Variants in UST observed in about 807,000 individuals in gnomAD.
UST encodes the protein chondroitin sulfate 2-O-sulfotransferase.
Under a neutral mutation model 45.6 loss-of-function variants are expected in UST, and 21 were observed. The ratio of observed to expected loss-of-function variants is 0.46; its 90% CI spans 0.33 to 0.66. The LOEUF is 0.66. Ranked by LOEUF, UST falls within the 30% of genes least tolerant of loss-of-function variation. The pLI is 0.02. For missense variants in UST, 463 were observed against 512.4 expected (o/e 0.90, Z 0.93); for synonymous variants, 215 against 200.6 (o/e 1.07, Z -0.61).
At chr6:149,014,594 C>T (rs1161283331) in intron 5 of UST, among the ~76,000 whole-genome samples, 1 of 152,188 alleles carries the variant, frequency 6.6e-6, no homozygotes, top group Non-Finnish European at 1.5e-5. Context: ...CTATCTGTCT[C>T]CTTTTCCTGG....
In UST at chr6:148,748,333, A is replaced by G. The variant is rs1775917505; in HGVS notation, c.247+656A>G. Reference sequence around the variant, plus strand: ...CCCGAGGGCGCTGGTCAGCCTGGCCAGCAGTGTCGCCCCCAGTAACCCGAG... The same window carrying G: ...CCCGAGGGCGCTGGTCAGCCTGGCCGGCAGTGTCGCCCCCAGTAACCCGAG... On this transcript the variant is annotated intron_variant, in intron 1 of 7. Coordinates refer to ENST00000367463, the MANE Select transcript of UST (RefSeq NM_005715.3). This position sits in a 1 kb window ranked among gnomAD's most constrained non-coding sequence, Gnocchi z 5.3. Among the ~76,000 whole-genome samples the G allele has an allele frequency of 6.6e-6, 1 of 151,648 alleles. No homozygotes were observed. The highest frequency in any genetic ancestry group is 1.5e-5 in the Non-Finnish European group (1 of 67,956).
At chr6:148,777,050 T>G (rs1776548803) in intron 1 of UST, among the ~76,000 whole-genome samples, 1 of 152,172 alleles carries the variant, frequency 6.6e-6, no homozygotes, top group Non-Finnish European at 1.5e-5. Context: ...CAGAACGTGT[T>G]GGAATTTGTA....
intron 1 of UST, among the ~76,000 whole-genome samples, chr6:148,806,268 A>C (rs1777143796): frequency 6.6e-6 from 1 of 152,142 alleles, no homozygotes; most frequent in Admixed American, 6.5e-5. Context: ...CATTTGCCTC[A>C]TGTCGATATT....
At chr6:149,053,097 T>C (rs1443929291) in intron 7 of UST, among the ~76,000 whole-genome samples, 2 of 152,200 alleles carry the variant, frequency 1.3e-5, no homozygotes, top group African/African-American at 4.8e-5. Context: ...GAACAAAACT[T>C]GATTAATGAA....
intron 7 of UST, among the ~76,000 whole-genome samples, chr6:149,052,227 A>G (rs1037611471): frequency 1.3e-5 from 2 of 152,182 alleles, no homozygotes; most frequent in African/African-American, 2.4e-5. Context: ...TAATTGTTTC[A>G]TTTGGGGAGA....
chr6:148,955,080 CT>C (rs1319823712), intron 4 of UST, among the ~76,000 whole-genome samples: 1 of 152,242 alleles, frequency 6.6e-6, no homozygotes, highest in Non-Finnish European at 1.5e-5. Flanking sequence ...CCGGGCCTCC[CT>C]TGTCAGCCCT....
chr6:148,936,378 G>T (rs1314998176), intron 2 of UST, among the ~76,000 whole-genome samples: 1 of 151,984 alleles, frequency 6.6e-6, no homozygotes, highest in Non-Finnish European at 1.5e-5. Context: ...GAGTATGGGG[G>T]GCACACAGAG....
chr6:148,983,551 T>C (rs895710273), intron 5 of UST, among the ~76,000 whole-genome samples: 1 of 152,222 alleles, frequency 6.6e-6, no homozygotes, highest in African/African-American at 2.4e-5. Context: ...TTGTTACGGC[T>C]GGAGCAGGAG....
chr6:148,917,945 C>T (rs1248901138), intron 2 of UST, among the ~76,000 whole-genome samples: 1 of 152,184 alleles, frequency 6.6e-6, no homozygotes, highest in Non-Finnish European at 1.5e-5. Context: ...AAAACTCTGT[C>T]GCTCTTGCTT....
chr6:148,804,411 T>C (rs1187645641), intron 1 of UST, among the ~76,000 whole-genome samples: 1 of 152,168 alleles, frequency 6.6e-6, no homozygotes, highest in Non-Finnish European at 1.5e-5. Context: ...CATGGGCCCC[T>C]CTTATTCCAC....
chr6:148,779,165 C>A (rs1462616698), intron 1 of UST, among the ~76,000 whole-genome samples: 1 of 150,122 alleles, frequency 6.7e-6, no homozygotes, highest in Non-Finnish European at 1.5e-5. Flanking sequence ...CTGGAAAATT[C>A]CTTATTATTT....
intron 5 of UST, among the ~76,000 whole-genome samples, chr6:148,985,723 G>A (rs757787785): frequency 5.9e-5 from 9 of 152,130 alleles, no homozygotes; most frequent in Admixed American, 1.3e-4. Context: ...GGATTGTCAC[G>A]TTCTCTTTCA....
At chr6:149,061,362 C>T (rs1431257319) in intron 7 of UST, among the ~76,000 whole-genome samples, 1 of 152,154 alleles carries the variant, frequency 6.6e-6, no homozygotes, top group Admixed American at 6.5e-5. Flanking sequence ...CCAGTTCAAA[C>T]ATATGTCAAT....
At chr6:148,904,301 A>T (rs1779317650) in intron 2 of UST, among the ~76,000 whole-genome samples, 1 of 152,206 alleles carries the variant, frequency 6.6e-6, no homozygotes, top group Non-Finnish European at 1.5e-5. Flanking sequence ...CAAAACTATA[A>T]ATCAGTTCCT....
At chr6:148,796,622 T>TAAAAA (rs1449754454) in intron 1 of UST, among the ~76,000 whole-genome samples, 509 of 44,308 alleles carry the variant, frequency 0.011, 42 homozygotes, top group East Asian at 0.018. Context: ...AGACTCTGTC[T>TAAAAA]CAAAAAAAAA....
intron 1 of UST, among the ~76,000 whole-genome samples, chr6:148,759,200 G>T (rs1776155406): frequency 6.6e-6 from 1 of 152,136 alleles, no homozygotes; most frequent in South Asian, 2.1e-4. Flanking sequence ...ATACATCTCA[G>T]TGGCCAGGAG....
intron 1 of UST, among the ~76,000 whole-genome samples, chr6:148,865,151 T>TC (rs1382028258): frequency 3.3e-5 from 5 of 152,216 alleles, no homozygotes; most frequent in African/African-American, 4.8e-5. Flanking sequence ...CTTCGATGAC[T>TC]CCATCTGTTT....
chr6:149,062,767 C>T (rs982830178), intron 7 of UST, among the ~76,000 whole-genome samples: 1 of 152,228 alleles, frequency 6.6e-6, no homozygotes. Context: ...AATGTCCTGG[C>T]TGTACAGCCT....
Position 148,827,855 on chromosome 6 carries a change from G to C in UST, c.248-59131G>C, listed in dbSNP as rs138471908. ...GCGGTTTACTAAAACAGATGGTAGA[G>C]AATTTTTACCCTCAAGCATGTATTT... is the stretch of plus-strand genomic sequence containing the variant. On this transcript the variant is annotated intron_variant, in intron 1 of 7. Coordinates refer to ENST00000367463, the MANE Select transcript of UST (RefSeq NM_005715.3). Among the ~76,000 whole-genome samples the C allele has an allele frequency of 3.5e-3, 526 of 152,064 alleles. 4 individuals carry two copies. The highest frequency in any genetic ancestry group is 0.012 in the African/African-American group (507 of 41,510).
Sources: gnomAD v4.1 joint callset for allele counts (sites outside exome capture counted in the v4.1 genomes callset) on GRCh38, gnomAD v4.1.1 for gene constraint, Gnocchi (gnomAD v3.1) non-coding constraint, MANE v1.5 for transcripts, NCBI Gene and HGNC (gene_info 2026-07-23, HGNC 2026-07-21) for gene names.